Variants in MRC2 observed in about 807,000 individuals in gnomAD.
MRC2 encodes the protein mannose receptor C-type 2.
In MRC2, 84 loss-of-function variants were observed where a neutral mutation model predicts 206.2. That is an observed-to-expected ratio of 0.41 (90% confidence interval 0.34 to 0.49). The LOEUF (loss-of-function observed/expected upper bound fraction) is 0.49, where lower values mean the gene tolerates loss of function less well. Ranked by LOEUF, MRC2 falls within the 20% of genes least tolerant of loss-of-function variation. The pLI, the probability that MRC2 is intolerant of heterozygous loss-of-function variation, is 0.31. For synonymous variants in MRC2, 798 were observed against 800.0 expected, an observed-to-expected ratio of 1.00 and a Z score of 0.04; for missense variants, 1,676 against 2,001.5, an observed-to-expected ratio of 0.84 and a Z score of 3.10.
intron 1 of MRC2, among the ~76,000 whole-genome samples, chr17:62,648,891 G>A (rs2088522205): frequency 2.0e-5 from 3 of 152,196 alleles, no homozygotes; most frequent in Admixed American, 1.3e-4. Flanking sequence ...AGATTCTTGA[G>A]CTCGCTGCCC....
At chr17:62,661,331 T>C (rs1291155661) in intron 1 of MRC2, among the ~76,000 whole-genome samples, 2 of 152,348 alleles carry the variant, frequency 1.3e-5, no homozygotes, top group Admixed American at 1.3e-4. Context: ...TCCCTTTTAC[T>C]ATGAGCGAGG....
At chr17:62,641,365 G>T (rs1229262029) in intron 1 of MRC2, among the ~76,000 whole-genome samples, 1 of 150,664 alleles carries the variant, frequency 6.6e-6, no homozygotes, top group Non-Finnish European at 1.5e-5. Flanking sequence ...GGAGGCAATC[G>T]ACTGCTCTAA....
At chr17:62,659,764 A>T (rs992665661) in intron 1 of MRC2, among the ~76,000 whole-genome samples, 1 of 152,176 alleles carries the variant, frequency 6.6e-6, no homozygotes, top group Admixed American at 6.5e-5. Context: ...CCCAACCTAC[A>T]TTCCCATGGT....
At position 62,664,736 on chromosome 17, in the gene MRC2, A is replaced by T; in HGVS notation, c.307A>T (p.Thr103Ser). 6.2e-7 allele frequency: 1 copy of T among 1,613,938 alleles called. No individual in the cohort carries two copies. Among genetic ancestry groups the T allele is most frequent in the East Asian group, 2.2e-5 (1 of 44,862 alleles). Residue 103 changes from threonine (T) to serine (S), a missense_variant, in exon 2 of 30, where the codon ACC (threonine) becomes TCC (serine). This residue lies in a region of MRC2 where 318 missense variants were observed against 346.7 expected (regional missense o/e 0.92). Coordinates refer to ENST00000303375, the MANE Select transcript of MRC2 (RefSeq NM_006039.5). The surrounding 1 kb of genome is among the most constrained non-coding windows in gnomAD (Gnocchi z 4.7). ...GGGCACAGGCTGGCCAGGCACCAACACCACGGCCTCCCTGGGCATGTATGA... is the reference window on the plus strand; with the variant it reads ...GGGCACAGGCTGGCCAGGCACCAACTCCACGGCCTCCCTGGGCATGTATGA... ...CLGTGWPGTNTTASLGMYECD... is the reference protein window; with the variant it reads ...CLGTGWPGTNSTASLGMYECD...
rs2089058399 is a variant in MRC2 at position 62,688,395 on chromosome 17, T to C, written c.3053T>C (p.Leu1018Ser). 2 of 1,614,098 alleles carry C rather than the reference T, an allele frequency of 1.2e-6. No individual in the cohort carries two copies. The highest frequency in any genetic ancestry group is 1.3e-5 in the African/African-American group (1 of 74,936). The stretch of plus-strand genomic sequence containing the variant: ...CAGCTGGTCACCATCACAAACCCCT[T>C]AGAGCAAGGTAGGGCCAGCCTATGG... ...EAQLVTITNP[L>S]EQAFITASLP... The change falls in exon 21 of 30, where the codon TTA becomes TCA. Residue 1018 changes from leucine to serine, a missense_variant. Leu to Ser is a moderately radical substitution (Grantham distance 145). This residue lies in a region of MRC2 where 1,354 missense variants were observed against 1,636.6 expected (regional missense o/e 0.83). Transcript: ENST00000303375.
chr17:62,677,276 C>T lies in MRC2; in HGVS notation c.1842C>T (p.Ser614=), dbSNP rs759442702. 6.9e-6 allele frequency: 11 copies of T among 1,600,278 alleles called. No homozygotes were observed. The highest frequency in any genetic ancestry group is 9.4e-6 in the Non-Finnish European group (11 of 1,173,766). ...THWNRDQPGY[S]RGGCVALATG... is the part of the protein sequence containing the mutation. ...CCCTTCCCTCTCCTTCAGGGTACAGCCGTGGGGGCTGCGTGGCGCTGGCCA... is the reference window on the plus strand; with the variant it reads ...CCCTTCCCTCTCCTTCAGGGTACAGTCGTGGGGGCTGCGTGGCGCTGGCCA... The change falls in exon 12 of 30, where the codon AGC becomes AGT. Residue 614 remains serine, a synonymous_variant. Coordinates refer to ENST00000303375, the MANE Select transcript of MRC2 (RefSeq NM_006039.5).
At chr17:62,633,320 G>T (rs1433335411) in intron 1 of MRC2, among the ~76,000 whole-genome samples, 2 of 151,886 alleles carry the variant, frequency 1.3e-5, no homozygotes, top group Non-Finnish European at 2.9e-5. Flanking sequence ...GGCTAACACG[G>T]TGAAACCCCA....
At chr17:62,635,017 G>T (rs955696098) in intron 1 of MRC2, among the ~76,000 whole-genome samples, 5 of 151,826 alleles carry the variant, frequency 3.3e-5, no homozygotes, top group Non-Finnish European at 7.4e-5. Context: ...TTTTAGTGGA[G>T]ACGGGGTTTT....
At position 62,679,884 on chromosome 17, in the gene MRC2, C is replaced by T. The variant is rs1366295099; in HGVS notation, c.2280C>T (p.Arg760=). ...RRDPRGGQSW[R]WSDGVGFSYH... ...ATCCCAGAGGGGGTCAGAGTTGGCG[C>T]TGGAGCGACGGCGTAGGGGTGAGGG... is the stretch of plus-strand genomic sequence containing the variant. The change falls in exon 14 of 30, where the codon CGC becomes CGT. Residue 760 remains arginine, a synonymous_variant. Coordinates refer to ENST00000303375, the MANE Select transcript of MRC2 (RefSeq NM_006039.5). 4 of 1,611,324 alleles carry T rather than the reference C, an allele frequency of 2.5e-6. No homozygotes were observed. The highest frequency in any genetic ancestry group is 1.1e-5 in the South Asian group (1 of 90,996).
At position 62,692,673 on chromosome 17, in the gene MRC2, C is replaced by T. The variant is rs2089127273; in HGVS notation, c.*222C>T. 2 of 536,352 alleles carry T rather than the reference C, an allele frequency of 3.7e-6. No homozygotes were observed. The highest frequency in any genetic ancestry group is 6.2e-5 in the East Asian group (2 of 32,088). 33.2% of individuals were successfully genotyped at this position (536,352 alleles called of 1,614,324 possible). ...TGAGTGCAGCGTGGCGTTTCCCTTT[C>T]TGGGGGGGCCTGAGGTCTTGTCACC... On this transcript the variant is annotated 3_prime_UTR_variant, in exon 30 of 30. Coordinates refer to ENST00000303375, the MANE Select transcript of MRC2 (RefSeq NM_006039.5). The surrounding 1 kb of genome is among the most constrained non-coding windows in gnomAD (Gnocchi z 4.2).
At chr17:62,659,593 C>T (rs887699192) in intron 1 of MRC2, among the ~76,000 whole-genome samples, 1 of 151,534 alleles carries the variant, frequency 6.6e-6, no homozygotes, top group African/African-American at 2.4e-5. Flanking sequence ...GAGGTTGACA[C>T]ATTCTGTTCA....
intron 1 of MRC2, among the ~76,000 whole-genome samples, chr17:62,631,840 G>T (rs2084218392): frequency 6.6e-6 from 1 of 152,166 alleles, no homozygotes; most frequent in African/African-American, 2.4e-5. Flanking sequence ...TCACATGGTT[G>T]TTCATTCATT....
Position 62,682,272 on chromosome 17 carries a change from C to A in MRC2, c.2841C>A (p.Pro947=). The A allele has an allele frequency of 6.2e-7, 1 of 1,603,332 alleles. No homozygotes were observed. The highest frequency in any genetic ancestry group is 8.5e-7 in the Non-Finnish European group (1 of 1,174,636). The stretch of plus-strand genomic sequence containing the variant: ...ACCAGAGGTGCCTGACAGCCTTGCC[C>A]TACATCTGCAAGCGCAGCAACGTCA... ...WGDQRCLTAL[P]YICKRSNVTK... is the part of the protein sequence containing the mutation. The change falls in exon 20 of 30, where the codon CCC becomes CCA. Residue 947 remains proline, a synonymous_variant. Transcript: ENST00000303375.
Position 62,627,749 on chromosome 17 carries a change from G to T in MRC2, c.-54G>T. The T allele has an allele frequency of 7.7e-7, 1 of 1,299,992 alleles. No homozygotes were observed. Among genetic ancestry groups the T allele is most frequent in the Non-Finnish European group, 9.9e-7 (1 of 1,011,230 alleles). The allele number at this position is 1,299,992 out of a possible 1,614,324, so 80.5% of individuals were successfully genotyped here. A position where few individuals can be genotyped will look rare whatever the true frequency, so the allele number is the denominator to read the frequency against. On this transcript the variant is annotated 5_prime_UTR_variant, in exon 1 of 30. Coordinates refer to ENST00000303375, the MANE Select transcript of MRC2 (RefSeq NM_006039.5). ...AGCCCAGCCTCGGGGCTGCCACAGC[G>T]CGTTGCGCCTGTGCGCCCTCGGTCC... is the stretch of plus-strand genomic sequence containing the variant.
intron 27 of MRC2, 64 bp from the exon 28 acceptor site, chr17:62,690,885 T>G (rs2089101761): frequency 6.7e-7 from 1 of 1,501,742 alleles, no homozygotes; most frequent in Admixed American, 2.3e-5. Flanking sequence ...AGAACACACC[T>G]GCTCTCCTCC....
At chr17:62,647,476 C>T (rs1487121325) in intron 1 of MRC2, among the ~76,000 whole-genome samples, 8 of 151,780 alleles carry the variant, frequency 5.3e-5, no homozygotes, top group Non-Finnish European at 1.0e-4. Context: ...TGAGCTGCCG[C>T]GCCCTGCCAT....
intron 1 of MRC2, among the ~76,000 whole-genome samples, chr17:62,641,890 ACTCT>A (rs1299364612): frequency 2.9e-5 from 3 of 103,118 alleles, no homozygotes; most frequent in South Asian, 3.6e-4. Flanking sequence ...TGCTTATCTC[ACTCT>A]CTGTGTGTGT....
intron 1 of MRC2, among the ~76,000 whole-genome samples, chr17:62,646,821 AT>A (rs2088492438): frequency 6.6e-6 from 1 of 152,214 alleles, no homozygotes; most frequent in African/African-American, 2.4e-5. Context: ...TATATTCCCT[AT>A]CTCTTTTTAA....
chr17:62,676,968 T>G (rs2088900366), intron 11 of MRC2, among the ~76,000 whole-genome samples: 1 of 152,270 alleles, frequency 6.6e-6, no homozygotes, highest in South Asian at 2.1e-4. Context: ...TTATTACTAT[T>G]ATTACCATTT....
Sources: gnomAD v4.1 joint callset for allele counts (sites outside exome capture counted in the v4.1 genomes callset) on GRCh38, gnomAD v4.1.1 for gene constraint, gnomAD v4.1.1 regional missense constraint, Gnocchi (gnomAD v3.1) non-coding constraint, MANE v1.5 for transcripts, NCBI Gene and HGNC (gene_info 2026-07-23, HGNC 2026-07-21) for gene names.